FRMD4A: variants seen among roughly 807,000 people sequenced by gnomAD.
FRMD4A encodes FERM domain containing 4A.
Under a neutral mutation model 129.1 loss-of-function variants are expected in FRMD4A, and 29 were observed. The ratio of observed to expected loss-of-function variants is 0.22; its 90% CI spans 0.17 to 0.31. FRMD4A has a LOEUF of 0.31. Among genes scored for constraint, FRMD4A ranks in the 10% least tolerant of loss-of-function variants. FRMD4A has a pLI of 1.00. For synonymous variants in FRMD4A, 634 were observed against 571.6 expected (o/e 1.11, Z -1.56); for missense variants, 1,272 against 1,375.8 (o/e 0.92, Z 1.19).
At chr10:14,056,816 A>T (rs564800201) in intron 2 of FRMD4A, among the ~76,000 whole-genome samples, 1 of 152,316 alleles carries the variant, frequency 6.6e-6, no homozygotes, top group South Asian at 2.1e-4. Context: ...CTAGGGAGAG[A>T]AACGAGCTTG....
At chr10:14,127,998 C>CTT (rs1315953860) in intron 2 of FRMD4A, among the ~76,000 whole-genome samples, 1,210 of 99,562 alleles carry the variant, frequency 0.012, 101 homozygotes, top group Middle Eastern at 0.019. Flanking sequence ...CTCTCTCTCT[C>CTT]TCTTTCTTTC....
chr10:13,976,527 C>T (rs966849037), intron 2 of FRMD4A, among the ~76,000 whole-genome samples: 4 of 147,158 alleles, frequency 2.7e-5, no homozygotes, highest in African/African-American at 1.0e-4. Flanking sequence ...TCGTTCACTG[C>T]TTCTGTAAAG....
At position 13,744,027 on chromosome 10, in the gene FRMD4A, C is replaced by T. The variant is rs547226970; in HGVS notation, c.549-3450G>A. ...TGATCAAAGCTGCCTGTGCCCAGGTCGCTGGCTGGGTCATGTTGTTAAGTC... is the reference window on the plus strand; with the variant it reads ...TGATCAAAGCTGCCTGTGCCCAGGTTGCTGGCTGGGTCATGTTGTTAAGTC... On this transcript the variant is annotated intron_variant, in intron 9 of 24. Coordinates refer to ENST00000357447, the MANE Select transcript of FRMD4A (RefSeq NM_018027.5). 1.9e-4 allele frequency among the ~76,000 whole-genome samples: 29 copies of T among 152,190 alleles called. No individual in the cohort carries two copies. In the South Asian group the frequency reaches 5.0e-3, roughly 26 times the overall value.
At chr10:14,195,629 C>T (rs536058719) in intron 2 of FRMD4A, among the ~76,000 whole-genome samples, 14 of 152,320 alleles carry the variant, frequency 9.2e-5, no homozygotes, top group African/African-American at 3.1e-4. Flanking sequence ...AGGCGTCCCC[C>T]GTTGCAGGGG....
Position 13,684,616 on chromosome 10 carries a change from C to A in FRMD4A, c.1117+9282G>T, listed in dbSNP as rs915425832. 3.0e-6 allele frequency: 3 copies of A among 985,296 alleles called. No homozygotes were observed. The African/African-American group carries it at 5.2e-5, about 17-fold the overall frequency. 61.0% of individuals were successfully genotyped at this position (985,296 alleles called of 1,614,324 possible). The stretch of plus-strand genomic sequence containing the variant: ...AGAAATGCTCCAATTGTTCAGAAGA[C>A]CCTGGGCGACTCAGCACCGGATATG... On this transcript the variant is annotated intron_variant, in intron 15 of 24. Transcript: ENST00000357447.
rs66980805 is a variant in FRMD4A, at chr10:13,925,566, C to CTTTTTTTTTTT, written c.46-66665_46-66655dup. The stretch of plus-strand genomic sequence containing the variant: ...TGAAAGTTTCTATTGTAGTGAAACG[C>CTTTTTTTTTTT]TTTTTTTTTTTTTTTTTTTTTTTTT... On this transcript the variant is annotated intron_variant, in intron 2 of 24. Coordinates refer to ENST00000357447, the MANE Select transcript of FRMD4A (RefSeq NM_018027.5). Among the ~76,000 whole-genome samples the CTTTTTTTTTTT allele has an allele frequency of 2.9e-3, 178 of 61,940 alleles. 35 individuals are homozygous for CTTTTTTTTTTT. The highest frequency in any genetic ancestry group is 8.8e-3 in the East Asian group (11 of 1,246). 40.6% of individuals were successfully genotyped at this position (61,940 alleles called of 152,430 possible).
intron 2 of FRMD4A, among the ~76,000 whole-genome samples, chr10:14,152,114 G>A (rs914405340): frequency 1.6e-5 from 2 of 124,604 alleles, no homozygotes; most frequent in Admixed American, 1.6e-4. Context: ...TGTTTGTGTA[G>A]TGCTTTTTTT....
chr10:14,253,960 C>G (rs907096829), intron 2 of FRMD4A, among the ~76,000 whole-genome samples: 4 of 152,162 alleles, frequency 2.6e-5, no homozygotes, highest in Admixed American at 1.3e-4. Flanking sequence ...ACACCTCCAG[C>G]TTGCAGTTCC....
At chr10:14,265,958 ATAGAG>A (rs1844963452) in intron 2 of FRMD4A, among the ~76,000 whole-genome samples, 1 of 152,184 alleles carries the variant, frequency 6.6e-6, no homozygotes. Flanking sequence ...ACCTTATCAC[ATAGAG>A]TCATGAAGAA....
chr10:14,273,059 T>TACACACACACAC (rs59318900), intron 2 of FRMD4A, among the ~76,000 whole-genome samples: 2 of 143,916 alleles, frequency 1.4e-5, no homozygotes, highest in African/African-American at 2.6e-5. Context: ...TTACCAGAAA[T>TACACACACACAC]ACACACACAC....
At chr10:13,974,307 C>T (rs140672762) in intron 2 of FRMD4A, among the ~76,000 whole-genome samples, 2 of 152,264 alleles carry the variant, frequency 1.3e-5, no homozygotes, top group African/African-American at 4.8e-5. Flanking sequence ...GCAAGACCTA[C>T]TCAAGCTGCC....
intron 2 of FRMD4A, among the ~76,000 whole-genome samples, chr10:13,935,045 C>T (rs558188845): frequency 2.4e-4 from 36 of 152,102 alleles, no homozygotes; most frequent in Non-Finnish European, 3.4e-4. Context: ...ATCTCATTCA[C>T]GAGGGCAGAA....
chr10:13,799,994 A>G (rs914772602), intron 4 of FRMD4A, among the ~76,000 whole-genome samples: 1 of 150,476 alleles, frequency 6.6e-6, no homozygotes, highest in African/African-American at 2.4e-5. Context: ...CCTGACCAAC[A>G]TGGTGAAACC....
intron 2 of FRMD4A, among the ~76,000 whole-genome samples, chr10:14,011,372 G>A (rs1565182460): frequency 6.6e-6 from 1 of 152,258 alleles, no homozygotes; most frequent in East Asian, 1.9e-4. Flanking sequence ...TGGCCTAAGG[G>A]GTCAAGGGAG....
At chr10:14,217,655 A>G (rs1442452339) in intron 2 of FRMD4A, among the ~76,000 whole-genome samples, 1 of 152,170 alleles carries the variant, frequency 6.6e-6, no homozygotes, top group Non-Finnish European at 1.5e-5. Flanking sequence ...GTGGTGGCCT[A>G]GTCAAAGGGC....
chr10:13,827,247 G>C (rs1173044267), intron 3 of FRMD4A, among the ~76,000 whole-genome samples: 2 of 152,156 alleles, frequency 1.3e-5, no homozygotes, highest in African/African-American at 4.8e-5. Context: ...GGGGTATCAG[G>C]CATCATGGCT....
intron 2 of FRMD4A, among the ~76,000 whole-genome samples, chr10:14,113,073 T>C (rs1363811204): frequency 1.3e-5 from 2 of 152,176 alleles, no homozygotes; most frequent in Non-Finnish European, 2.9e-5. Context: ...TTGTATTCTG[T>C]GGACTTAGGA....
intron 2 of FRMD4A, among the ~76,000 whole-genome samples, chr10:13,932,862 A>T (rs1453699152): frequency 6.6e-6 from 1 of 152,148 alleles, no homozygotes; most frequent in Middle Eastern, 3.2e-3. Flanking sequence ...GACTAGCTTA[A>T]AAAAATATTT....
At chr10:14,225,272 C>T (rs941191974) in intron 2 of FRMD4A, among the ~76,000 whole-genome samples, 5 of 152,140 alleles carry the variant, frequency 3.3e-5, no homozygotes, top group African/African-American at 1.2e-4. Context: ...TCATCCCCAA[C>T]CCTCAATCCC....
Sources: allele counts gnomAD v4.1 joint callset (sites outside exome capture counted in the v4.1 genomes callset), GRCh38; gene constraint gnomAD v4.1.1; transcripts MANE v1.5; gene names NCBI Gene and HGNC (gene_info 2026-07-23, HGNC 2026-07-21).